CADM2: variants seen among roughly 807,000 people sequenced by gnomAD.
The protein encoded by CADM2 is immunoglobulin superfamily member 4D.
Under a neutral mutation model 49.8 loss-of-function variants are expected in CADM2, and 12 were observed. That is an observed-to-expected ratio of 0.24 (90% CI 0.15 to 0.39). The LOEUF is 0.39. CADM2 is among the 10% of genes least tolerant of loss of function. The pLI is 1.00. For missense variants in CADM2, 378 were observed against 492.3 expected (o/e 0.77, Z 2.20); for synonymous variants, 214 against 175.4 (o/e 1.22, Z -1.74).
chr3:85,859,003 A>G (rs1396963096), intron 3 of CADM2, among the ~76,000 whole-genome samples: 2 of 152,212 alleles, frequency 1.3e-5, no homozygotes, highest in Admixed American at 6.5e-5. Context: ...AAGAGAAGAT[A>G]TTTGAAGGAC....
At chr3:85,126,039 A>G (rs1386514527) in intron 1 of CADM2, among the ~76,000 whole-genome samples, 1 of 152,168 alleles carries the variant, frequency 6.6e-6, no homozygotes, top group African/African-American at 2.4e-5. Flanking sequence ...ATGATATCAT[A>G]TATACATTAC....
intron 1 of CADM2, among the ~76,000 whole-genome samples, chr3:85,515,698 C>G (rs1276244486): frequency 6.7e-6 from 1 of 149,366 alleles, no homozygotes; most frequent in Non-Finnish European, 1.5e-5. Context: ...TCTCAGACCT[C>G]GAACTCCTGA....
chr3:85,500,935 C>T (rs6549031), intron 1 of CADM2, among the ~76,000 whole-genome samples: 132,995 of 152,004 alleles, frequency 0.87, 58,327 homozygotes, highest in East Asian at 0.95. Flanking sequence ...GCTCTTAGAC[C>T]ATCAAAGCCA....
chr3:85,422,702 G>A (rs777022428), intron 1 of CADM2, among the ~76,000 whole-genome samples: 3 of 152,070 alleles, frequency 2.0e-5, no homozygotes, highest in Non-Finnish European at 4.4e-5. Context: ...ATGTTGAAAC[G>A]GGAGAGTTTC....
At chr3:85,185,993 G>T (rs1286855141) in intron 1 of CADM2, among the ~76,000 whole-genome samples, 1 of 152,200 alleles carries the variant, frequency 6.6e-6, no homozygotes. Context: ...GCATTAGAGT[G>T]CCAGGCAGGT....
intron 5 of CADM2, among the ~76,000 whole-genome samples, chr3:85,897,241 C>CTTTTTTTTTTTTTTTTTTTTT (rs752550127): frequency 2.2e-5 from 1 of 45,900 alleles, no homozygotes; most frequent in African/African-American, 6.7e-5. Flanking sequence ...TAACCTACAT[C>CTTTTTTTTTTTTTTTTTTTTT]TTTTTTTTTT....
intron 1 of CADM2, among the ~76,000 whole-genome samples, chr3:85,322,359 T>G (rs2044637259): frequency 6.6e-6 from 1 of 152,174 alleles, no homozygotes; most frequent in Non-Finnish European, 1.5e-5. Flanking sequence ...ATGCAAAACC[T>G]AGGGCATGGG....
At chr3:85,022,810 A>T (rs1459189958) in intron 1 of CADM2, among the ~76,000 whole-genome samples, 2 of 152,154 alleles carry the variant, frequency 1.3e-5, no homozygotes, top group Non-Finnish European at 2.9e-5. Context: ...ATGATTACAC[A>T]AAATAATACT....
intron 2 of CADM2, among the ~76,000 whole-genome samples, chr3:85,788,992 A>G (rs1449302011): frequency 6.6e-6 from 1 of 152,096 alleles, no homozygotes; most frequent in African/African-American, 2.4e-5. Flanking sequence ...CAACCTTCTA[A>G]GACCTACTGG....
chr3:85,204,266 C>A (rs893220201), intron 1 of CADM2, among the ~76,000 whole-genome samples: 5 of 151,810 alleles, frequency 3.3e-5, no homozygotes, highest in African/African-American at 1.2e-4. Context: ...TTTTTAGTAA[C>A]CTATTTTGAT....
At chr3:85,508,085 T>G (rs2040437816) in intron 1 of CADM2, among the ~76,000 whole-genome samples, 1 of 152,136 alleles carries the variant, frequency 6.6e-6, no homozygotes, top group Non-Finnish European at 1.5e-5. Flanking sequence ...GCCTTCAATA[T>G]ATAGATCAGG....
chr3:85,164,478 G>T (rs1421353315), intron 1 of CADM2, among the ~76,000 whole-genome samples: 2 of 152,026 alleles, frequency 1.3e-5, no homozygotes, highest in African/African-American at 4.8e-5. Context: ...GTAAGGTATT[G>T]CTCTATTTTC....
chr3:85,054,080 C>T (rs949080844), intron 1 of CADM2, among the ~76,000 whole-genome samples: 2 of 151,506 alleles, frequency 1.3e-5, no homozygotes, highest in East Asian at 1.9e-4. Flanking sequence ...CAGTATTTAC[C>T]GAGAGCCTAT....
At chr3:85,149,535 G>A (rs1279642079) in intron 1 of CADM2, among the ~76,000 whole-genome samples, 1 of 151,986 alleles carries the variant, frequency 6.6e-6, no homozygotes, top group African/African-American at 2.4e-5. Flanking sequence ...GACCATCCTG[G>A]CTAACAGGGT....
chr3:85,389,641 T>C (rs192997055), intron 1 of CADM2, among the ~76,000 whole-genome samples: 1 of 152,110 alleles, frequency 6.6e-6, no homozygotes, highest in African/African-American at 2.4e-5. Flanking sequence ...TTCTTTATAG[T>C]TACTAGAGAC....
At chr3:85,291,841 A>T (rs1000088345) in intron 1 of CADM2, among the ~76,000 whole-genome samples, 2 of 149,010 alleles carry the variant, frequency 1.3e-5, no homozygotes, top group African/African-American at 2.6e-5. Context: ...ATCATGCCAA[A>T]ATGTAAAGAC....
chr3:85,541,678 T>A (rs1247561644), intron 1 of CADM2, among the ~76,000 whole-genome samples: 1 of 146,520 alleles, frequency 6.8e-6, no homozygotes. Context: ...AATCTGAATC[T>A]TGAATTGTTG....
chr3:85,857,828 A>G (rs1169449083), intron 3 of CADM2, among the ~76,000 whole-genome samples: 7 of 152,236 alleles, frequency 4.6e-5, no homozygotes, highest in Non-Finnish European at 1.0e-4. Context: ...TTTTACCACC[A>G]TCAGCAGTGC....
At chr3:85,638,234 C>A (rs2064579011) in intron 1 of CADM2, among the ~76,000 whole-genome samples, 2 of 152,260 alleles carry the variant, frequency 1.3e-5, no homozygotes, top group Admixed American at 1.3e-4. Context: ...ATAATTTAAA[C>A]ATCTATATGA....
Sources: gnomAD v4.1 joint callset for allele counts (sites outside exome capture counted in the v4.1 genomes callset) on GRCh38, gnomAD v4.1.1 for gene constraint, MANE v1.5 for transcripts, NCBI Gene and HGNC (gene_info 2026-07-23, HGNC 2026-07-21) for gene names.